AGBL1: variants seen among roughly 807,000 people sequenced by gnomAD.
AGBL1 encodes AGBL carboxypeptidase 1, also known as cytosolic carboxypeptidase 4.
Under a neutral mutation model 118.9 loss-of-function variants are expected in AGBL1, and 130 were observed. That is an observed-to-expected ratio of 1.09 (90% CI 0.95 to 1.26). The LOEUF is 1.26. Ranked by LOEUF, AGBL1 falls within the 50% of genes most tolerant of loss-of-function variation. AGBL1 has a pLI of 0.00. For missense variants in AGBL1, 1,584 were observed against 1,298.1 expected (o/e 1.22, Z -3.38); for synonymous variants, 555 against 478.9 (o/e 1.16, Z -2.08).
intron 17 of AGBL1, among the ~76,000 whole-genome samples, chr15:86,366,166 A>G (rs2080884623): frequency 6.6e-6 from 1 of 152,150 alleles, no homozygotes; most frequent in South Asian, 2.1e-4. Context: ...AGGCTGTAAC[A>G]CAATCCTCCC....
chr15:86,790,297 C>T (rs1181872184), intron 22 of AGBL1, among the ~76,000 whole-genome samples: 1 of 152,036 alleles, frequency 6.6e-6, no homozygotes, highest in Non-Finnish European at 1.5e-5. Flanking sequence ...ATATTAACTT[C>T]ACCAGCTGAA....
chr15:86,244,232 G>C lies in AGBL1; in HGVS notation c.527-3439G>C, dbSNP rs8030840. Among the ~76,000 whole-genome samples the C allele has an allele frequency of 4.1e-3, 628 of 152,182 alleles. 2 individuals carry two copies. Among genetic ancestry groups the C allele is most frequent in the Middle Eastern group, 0.027 (8 of 294 alleles). On this transcript the variant is annotated intron_variant, in intron 6 of 22. Coordinates refer to ENST00000614907, the MANE Select transcript of AGBL1 (RefSeq NM_001386094.1). ...AGAGCTGGTCTCTTCCAAAGAGGGG[G>C]ACTTGAAGCCCTCTCACATCTCTCA...
At chr15:86,960,403 C>T (rs2141684562) in intron 23 of AGBL1, among the ~76,000 whole-genome samples, 1 of 152,130 alleles carries the variant, frequency 6.6e-6, no homozygotes, top group South Asian at 2.1e-4. Context: ...ATCCACCACT[C>T]TTGTTTTATT....
At chr15:86,986,640 A>T (rs900904064) in intron 23 of AGBL1, among the ~76,000 whole-genome samples, 3 of 152,204 alleles carry the variant, frequency 2.0e-5, no homozygotes, top group East Asian at 1.9e-4. Context: ...GAATCTATAG[A>T]TCAGTTTGAG....
rs190096339 is a variant in AGBL1 at position 86,140,668 on chromosome 15, T to A, written c.52-1336T>A. 2.6e-5 allele frequency among the ~76,000 whole-genome samples: 4 copies of A among 151,938 alleles called. No individual in the cohort carries two copies. The East Asian group carries it at 7.8e-4, about 29-fold the overall frequency. On this transcript the variant is annotated intron_variant, in intron 1 of 22. Transcript: ENST00000614907. ...GATAGAAGGGACTCCAGACCCAGCT[T>A]GGGGGTTGGATGGGATCTCGTGGAG...
At chr15:86,880,488 T>TA (rs1447970381) in intron 22 of AGBL1, among the ~76,000 whole-genome samples, 3 of 152,160 alleles carry the variant, frequency 2.0e-5, no homozygotes, top group African/African-American at 7.2e-5. Flanking sequence ...AAGAAAACGT[T>TA]CTTTGAGTCT....
At chr15:86,520,539 C>T (rs1179129336) in intron 18 of AGBL1, among the ~76,000 whole-genome samples, 1 of 152,132 alleles carries the variant, frequency 6.6e-6, no homozygotes, top group Non-Finnish European at 1.5e-5. Context: ...AATACGTGAG[C>T]CTTCTCCATG....
chr15:86,989,505 T>C (rs894641697), intron 24 of AGBL1, among the ~76,000 whole-genome samples: 1 of 152,204 alleles, frequency 6.6e-6, no homozygotes, highest in Non-Finnish European at 1.5e-5. Context: ...TTTCCCCCTT[T>C]TAATCTGCTA....
chr15:86,502,239 T>G (rs2082925861), intron 18 of AGBL1, among the ~76,000 whole-genome samples: 1 of 151,570 alleles, frequency 6.6e-6, no homozygotes. Flanking sequence ...ATTTTTAGAT[T>G]GTTCATTGCT....
At chr15:86,950,184 A>T (rs2080865153) in intron 23 of AGBL1, among the ~76,000 whole-genome samples, 1 of 151,896 alleles carries the variant, frequency 6.6e-6, no homozygotes, top group Non-Finnish European at 1.5e-5. Context: ...AATATAACTT[A>T]AAAAATAAAT....
intron 17 of AGBL1, among the ~76,000 whole-genome samples, chr15:86,376,015 T>C (rs1267138736): frequency 6.6e-6 from 1 of 152,222 alleles, no homozygotes; most frequent in African/African-American, 2.4e-5. Context: ...TCAAGTTGGA[T>C]CTGAGTAGGC....
At chr15:86,748,525 T>TTC in intron 22 of AGBL1, among the ~76,000 whole-genome samples, 1 of 129,410 alleles carries the variant, frequency 7.7e-6, no homozygotes, top group Non-Finnish European at 1.6e-5. Flanking sequence ...TTTTTTTTTT[T>TTC]TTTTTTTTTT....
rs572498492 is a variant in AGBL1, at chr15:86,292,754, A to G, written c.2221-2501A>G. 8.5e-5 allele frequency among the ~76,000 whole-genome samples: 13 copies of G among 152,312 alleles called. No individual in the cohort carries two copies. In the South Asian group the frequency reaches 2.1e-3, roughly 24 times the overall value. On this transcript the variant is annotated intron_variant, in intron 16 of 22. Coordinates refer to ENST00000614907, the MANE Select transcript of AGBL1 (RefSeq NM_001386094.1). ...GACACTGTAAGGCAAGGATTTTGAA[A>G]AAGGGTGAGAAGAGGGATTCAAAGA... is the stretch of plus-strand genomic sequence containing the variant.
intron 1 of AGBL1, among the ~76,000 whole-genome samples, chr15:86,108,989 G>A (rs1897211519): frequency 6.6e-6 from 1 of 152,036 alleles, no homozygotes; most frequent in South Asian, 2.1e-4. Flanking sequence ...ACAAAATCAA[G>A]GAAGGGGAGC....
intron 22 of AGBL1, among the ~76,000 whole-genome samples, chr15:86,742,741 C>G (rs751868112): frequency 6.6e-6 from 1 of 152,128 alleles, no homozygotes; most frequent in Non-Finnish European, 1.5e-5. Context: ...GTGCTCTATT[C>G]ATTCCTCTGA....
chr15:86,561,395 C>T (rs1358960671), intron 21 of AGBL1, among the ~76,000 whole-genome samples: 1 of 152,210 alleles, frequency 6.6e-6, no homozygotes, highest in Non-Finnish European at 1.5e-5. Flanking sequence ...GTTTTCCCAG[C>T]ACCATTTATT....
intron 5 of AGBL1, among the ~76,000 whole-genome samples, chr15:86,194,125 G>A (rs909679287): frequency 1.6e-4 from 24 of 152,114 alleles, no homozygotes; most frequent in South Asian, 2.1e-4. Context: ...TTTTGTTCTC[G>A]TTCTGCTCTG....
intron 23 of AGBL1, among the ~76,000 whole-genome samples, chr15:86,934,202 T>C (rs2080638675): frequency 6.6e-6 from 1 of 152,150 alleles, no homozygotes; most frequent in Non-Finnish European, 1.5e-5. Flanking sequence ...TGAATTCACC[T>C]CTCCAAGGAG....
At chr15:86,171,881 G>A (rs1291606221) in intron 5 of AGBL1, among the ~76,000 whole-genome samples, 1 of 152,134 alleles carries the variant, frequency 6.6e-6, no homozygotes. Flanking sequence ...CAAAATAGTG[G>A]CATTCACAAC....
Sources: gnomAD v4.1 joint callset for allele counts (sites outside exome capture counted in the v4.1 genomes callset) on GRCh38, gnomAD v4.1.1 for gene constraint, MANE v1.5 for transcripts, NCBI Gene and HGNC (gene_info 2026-07-23, HGNC 2026-07-21) for gene names.